The following CALD1 variants were observed in gnomAD, a reference collection of about 807,000 sequenced individuals.
CALD1 encodes the protein caldesmon.
In CALD1, 33 loss-of-function variants were observed where a neutral mutation model predicts 99.9. The ratio of observed to expected loss-of-function variants is 0.33; its 90% CI spans 0.25 to 0.44. The LOEUF (loss-of-function observed/expected upper bound fraction) is 0.44. Ranked by LOEUF, CALD1 falls within the 20% of genes least tolerant of loss-of-function variation. CALD1 has a pLI of 1.00. For synonymous variants in CALD1, 310 were observed against 325.0 expected, an observed-to-expected ratio of 0.95 and a Z score of 0.50; for missense variants, 861 against 962.1, an observed-to-expected ratio of 0.89 and a Z score of 1.39.
chr7:134,931,835 G>C (rs1284429874), intron 4 of CALD1, among the ~76,000 whole-genome samples: 1 of 152,178 alleles, frequency 6.6e-6, no homozygotes, highest in Non-Finnish European at 1.5e-5. Context: ...AGATGGACAA[G>C]AAACCCTTTA....
At chr7:134,773,826 GTT>G (rs1491434306) in intron 1 of CALD1, among the ~76,000 whole-genome samples, 29 of 137,694 alleles carry the variant, frequency 2.1e-4, no homozygotes, top group African/African-American at 7.3e-4. Flanking sequence ...GTGTGTGTGT[GTT>G]TCTGTTGTTT....
At chr7:134,780,542 A>C (rs1329489543) in intron 1 of CALD1, among the ~76,000 whole-genome samples, 1 of 152,134 alleles carries the variant, frequency 6.6e-6, no homozygotes, top group Non-Finnish European at 1.5e-5. Flanking sequence ...AGAGATGTCG[A>C]TTGGCAATGT....
intron 1 of CALD1, among the ~76,000 whole-genome samples, chr7:134,842,841 C>G (rs1799704092): frequency 6.6e-6 from 1 of 152,096 alleles, no homozygotes; most frequent in Admixed American, 6.5e-5. Context: ...TAGAGGTTTC[C>G]TGGGGGTTCT....
intron 1 of CALD1, among the ~76,000 whole-genome samples, chr7:134,785,190 T>C (rs1043978680): frequency 9.2e-5 from 14 of 152,188 alleles, no homozygotes; most frequent in African/African-American, 3.4e-4. Flanking sequence ...AAACACCCAA[T>C]GAATGATCAC....
intron 3 of CALD1, among the ~76,000 whole-genome samples, chr7:134,925,201 C>T (rs908061126): frequency 3.9e-5 from 6 of 151,914 alleles, no homozygotes; most frequent in African/African-American, 1.5e-4. Flanking sequence ...TGGAGATGAT[C>T]GGTTGTTCAG....
At chr7:134,778,266 C>T (rs1359469853), upstream of CALD1, among the ~76,000 whole-genome samples, 2 of 152,170 alleles carry the variant, frequency 1.3e-5, no homozygotes, top group African/African-American at 4.8e-5. Context: ...ACCAACAGTG[C>T]GAACTGGCTA....
chr7:134,856,381 C>T (rs948758461), intron 2 of CALD1, among the ~76,000 whole-genome samples: 3 of 152,148 alleles, frequency 2.0e-5, no homozygotes, highest in East Asian at 1.9e-4. Context: ...TGGGTAGCCA[C>T]GCGAGGCCTG....
intron 3 of CALD1, among the ~76,000 whole-genome samples, chr7:134,918,953 T>C (rs1389191816): frequency 6.6e-6 from 1 of 152,120 alleles, no homozygotes; most frequent in African/African-American, 2.4e-5. Flanking sequence ...TGAGCCAAGA[T>C]TGTATGAGTG....
chr7:134,964,828 T>C (rs1338396101), intron 13 of CALD1, among the ~76,000 whole-genome samples: 1 of 152,302 alleles, frequency 6.6e-6, no homozygotes, highest in South Asian at 2.1e-4. Context: ...CTTTTACTGA[T>C]CAATAAACAG....
At chr7:134,711,656 CTCTCTATATA>C in the CALD1 span, among the ~76,000 whole-genome samples, 414 of 68,068 alleles carry the variant, frequency 6.1e-3, 4 homozygotes, top group African/African-American at 0.024. Context: ...CTCTCTCTCT[CTCTCTATATA>C]TATATATATA....
upstream of CALD1, chr7:134,779,528 G>A: frequency 2.5e-6 from 1 of 394,646 alleles, no homozygotes; most frequent in Non-Finnish European, 4.5e-6. Context: ...ACAGGACAAT[G>A]CATACCACCG....
chr7:134,826,781 A>G (rs1436282156), intron 1 of CALD1, among the ~76,000 whole-genome samples: 1 of 152,174 alleles, frequency 6.6e-6, no homozygotes, highest in Non-Finnish European at 1.5e-5. Context: ...AGAATCCCCA[A>G]GAAAGAGATA....
chr7:134,939,973 A>C (rs1379553329), intron 6 of CALD1, among the ~76,000 whole-genome samples: 1 of 152,118 alleles, frequency 6.6e-6, no homozygotes, highest in African/African-American at 2.4e-5. Flanking sequence ...CTTAAAAAAA[A>C]AAATGCACTT....
chr7:134,782,393 C>A (rs963074636), intron 1 of CALD1, among the ~76,000 whole-genome samples: 1 of 152,178 alleles, frequency 6.6e-6, no homozygotes. Context: ...GAGAAGATAC[C>A]ATTAGCTCCT....
intron 3 of CALD1, among the ~76,000 whole-genome samples, chr7:134,915,329 C>G (rs1025882920): frequency 6.6e-6 from 1 of 152,180 alleles, no homozygotes; most frequent in African/African-American, 2.4e-5. Flanking sequence ...GATTAGCAAC[C>G]CATAAGTCAG....
chr7:134,768,027 G>A (rs1440515664), intron 1 of CALD1, among the ~76,000 whole-genome samples: 3 of 152,218 alleles, frequency 2.0e-5, no homozygotes, highest in African/African-American at 7.2e-5. Context: ...TAAGCTTAGA[G>A]CAAATCCAAC....
At chr7:134,785,932 C>T (rs568242970) in intron 1 of CALD1, among the ~76,000 whole-genome samples, 3 of 152,278 alleles carry the variant, frequency 2.0e-5, no homozygotes, top group South Asian at 2.1e-4. Flanking sequence ...CTTAGGAGCT[C>T]ATTCAGCCCA....
At chr7:134,870,399 T>C (rs1801012263) in intron 3 of CALD1, among the ~76,000 whole-genome samples, 1 of 152,200 alleles carries the variant, frequency 6.6e-6, no homozygotes, top group Non-Finnish European at 1.5e-5. Flanking sequence ...AGCCATACTG[T>C]CATTAGAGTG....
At position 134,933,900 on chromosome 7, in the gene CALD1, G is replaced by A. The variant is rs1805739098; in HGVS notation, c.1131G>A (p.Glu377=). The A allele has an allele frequency of 6.2e-7, 1 of 1,613,850 alleles. No homozygotes were observed. The change falls in exon 5 of 15, where the codon GAG becomes GAA. Residue 377 remains glutamate (E), a synonymous_variant. Transcript: ENST00000361675. ...AEERQRARAE[E]EEKAKVEEQK... ...AGAGGCAAAGGGCCAGGGCAGAGGA[G>A]GAAGAGAAGGCTAAGGTAGAAGAGC...
Sources: gnomAD v4.1 joint callset for allele counts (sites outside exome capture counted in the v4.1 genomes callset) on GRCh38, gnomAD v4.1.1 for gene constraint, MANE v1.5 for transcripts, NCBI Gene and HGNC (gene_info 2026-07-23, HGNC 2026-07-21) for gene names.